Variants in WIPF1 observed in about 807,000 individuals in gnomAD.
The protein encoded by WIPF1 is WAS/WASL interacting protein family member 1.
WIPF1 carries 13 observed loss-of-function variants against 35.4 expected under a neutral mutation model. That is an observed-to-expected ratio of 0.37 (90% confidence interval 0.24 to 0.58). The LOEUF (loss-of-function observed/expected upper bound fraction) is 0.58, where lower values mean the gene tolerates loss of function less well. Among genes scored for constraint, WIPF1 ranks in the 20% least tolerant of loss-of-function variants. The probability of loss-of-function intolerance (pLI) is 0.74; values close to 1 mark genes in which losing one functional copy is unlikely to be tolerated. For missense variants in WIPF1, 591 were observed against 667.0 expected (o/e 0.89, Z 1.25); for synonymous variants, 267 against 266.3 (o/e 1.00, Z -0.02).
intron 1 of WIPF1, among the ~76,000 whole-genome samples, chr2:174,636,665 T>C (rs6713018): frequency 0.78 from 119,385 of 152,184 alleles, 47,182 homozygotes; most frequent in East Asian, 0.97. Context: ...TTGGCTGTGA[T>C]GGTTTCTCAG....
Position 174,572,147 on chromosome 2 carries a change from G to A in WIPF1, c.658C>T (p.Pro220Ser), listed in dbSNP as rs1316989877. The change falls in exon 5 of 8, where the codon CCC becomes TCC. Residue 220 changes from proline (P) to serine (S), a missense_variant. This residue lies in a region of WIPF1 where 471 missense variants were observed against 501.1 expected (regional missense o/e 0.94). Coordinates refer to ENST00000679041, the MANE Select transcript of WIPF1 (RefSeq NM_001375834.1). The part of the protein sequence containing the change: ...PRQPSPGPTP[P>S]PFPGNRGTAL... ...GTGCCGCGGTTTCCAGGGAAAGGGGGAGGAGTGGGCCCGGGGCTGGGCTGC... is the reference window on the plus strand; with the variant it reads ...GTGCCGCGGTTTCCAGGGAAAGGGGAAGGAGTGGGCCCGGGGCTGGGCTGC... 1 of 1,613,196 alleles carries A rather than the reference G, an allele frequency of 6.2e-7. No homozygotes were observed. Among genetic ancestry groups the A allele is most frequent in the Admixed American group, 1.7e-5 (1 of 59,908 alleles).
chr2:174,665,557 A>G (rs1246621499), intron 1 of WIPF1: 20 of 152,246 alleles, frequency 1.3e-4, no homozygotes, highest in Non-Finnish European at 7.3e-5. Context: ...TTCTATTTAA[A>G]TAAGTATTTT....
chr2:174,599,559 T>G (rs1372049555), upstream of WIPF1, among the ~76,000 whole-genome samples: 1 of 152,110 alleles, frequency 6.6e-6, no homozygotes, highest in Non-Finnish European at 1.5e-5. Flanking sequence ...CCTGCAGGCA[T>G]GGGGCTGGAC....
At position 174,572,337 on chromosome 2, in the gene WIPF1, G is replaced by A; in HGVS notation, c.468C>T (p.Gly156=). The A allele has an allele frequency of 6.2e-7, 1 of 1,614,130 alleles. No homozygotes were observed. The highest frequency in any genetic ancestry group is 2.2e-5 in the East Asian group (1 of 44,864). Reference sequence around the variant, plus strand: ...GAGGCTCTGGGGGACCACTTCTGTGGCCTGGAGAAGGCACAGGAAACCTCC... The same window carrying A: ...GAGGCTCTGGGGGACCACTTCTGTGACCTGGAGAAGGCACAGGAAACCTCC... The part of the protein sequence containing the change: ...GPGRFPVPSP[G]HRSGPPEPQR... Residue 156 remains glycine, a synonymous_variant, in exon 5 of 8, where the codon GGC becomes GGT. Transcript: ENST00000679041.
At chr2:174,564,803 C>T (rs929217009) in intron 7 of WIPF1, among the ~76,000 whole-genome samples, 7 of 141,026 alleles carry the variant, frequency 5.0e-5, no homozygotes, top group African/African-American at 7.9e-5. Context: ...AAACAGAAGC[C>T]CTTCTTCTGG....
At chr2:174,595,132 AT>A (rs1685773562) in intron 1 of WIPF1, among the ~76,000 whole-genome samples, 1 of 119,824 alleles carries the variant, frequency 8.3e-6, no homozygotes, top group African/African-American at 3.2e-5. Flanking sequence ...ATATATATAT[AT>A]ATATATAATT....
chr2:174,588,651 G>C (rs937030087), intron 1 of WIPF1, among the ~76,000 whole-genome samples: 1 of 152,230 alleles, frequency 6.6e-6, no homozygotes. Context: ...GGGCTAGTGT[G>C]GGAGAAATGG....
At position 174,575,396 on chromosome 2, in the gene WIPF1, C is replaced by A; in HGVS notation, c.182-16G>T. ...CCTTTAGGTTCTGTAGAAGAAGAGA[C>A]ACCCGACAGACTATGCCCCCTGGTC... On this transcript the variant is annotated splice_polypyrimidine_tract_variant and intron_variant, in intron 3 of 7. Transcript: ENST00000679041. 1 of 1,596,754 alleles carries A rather than the reference C, an allele frequency of 6.3e-7. No homozygotes were observed. The highest frequency in any genetic ancestry group is 8.5e-7 in the Non-Finnish European group (1 of 1,170,654).
intron 3 of WIPF1, among the ~76,000 whole-genome samples, chr2:174,576,996 G>A (rs1217112796): frequency 6.6e-6 from 1 of 152,164 alleles, no homozygotes; most frequent in Non-Finnish European, 1.5e-5. Context: ...TCCATTTGGA[G>A]ATGTGGTATA....
intron 1 of WIPF1, among the ~76,000 whole-genome samples, chr2:174,667,081 C>T (rs187846112): frequency 2.0e-5 from 3 of 152,302 alleles, no homozygotes; most frequent in Admixed American, 6.5e-5. Context: ...AGCTTCTGCT[C>T]CTCTAAGCTT....
upstream of WIPF1, among the ~76,000 whole-genome samples, chr2:174,600,082 C>A (rs1474337384): frequency 6.6e-6 from 1 of 152,196 alleles, no homozygotes; most frequent in African/African-American, 2.4e-5. Flanking sequence ...CGCAGCTGAT[C>A]TGATAGGAGG....
intron 1 of WIPF1, among the ~76,000 whole-genome samples, chr2:174,667,205 T>C (rs1324001543): frequency 2.0e-5 from 3 of 152,194 alleles, no homozygotes; most frequent in South Asian, 2.1e-4. Flanking sequence ...AATAAAGCAT[T>C]TCCCACCCTC....
At position 174,560,644 on chromosome 2, in the gene WIPF1, GT is replaced by G. The variant is rs1684461713; in HGVS notation, c.*1902del. ...CTTATTATTTCTTGATTCTCTTTGA[GT>G]AAAAAGCCCAAATGACTGTATGGAA... On this transcript the variant is annotated 3_prime_UTR_variant, in exon 8 of 8. Coordinates refer to ENST00000679041, the MANE Select transcript of WIPF1 (RefSeq NM_001375834.1). 6.6e-6 allele frequency: 1 copy of G among 152,498 alleles called. No individual in the cohort carries two copies. Among genetic ancestry groups the G allele is most frequent in the Admixed American group, 6.6e-5 (1 of 15,256 alleles). 9.4% of individuals were successfully genotyped at this position (152,498 alleles called of 1,614,324 possible).
At chr2:174,671,430 T>C (rs531469432) in intron 1 of WIPF1, among the ~76,000 whole-genome samples, 4 of 152,198 alleles carry the variant, frequency 2.6e-5, no homozygotes, top group Non-Finnish European at 5.9e-5. Context: ...TTGTAAAGCA[T>C]GTGTGTTTAA....
intron 1 of WIPF1, among the ~76,000 whole-genome samples, chr2:174,646,621 A>C (rs1687413936): frequency 6.6e-6 from 1 of 152,082 alleles, no homozygotes; most frequent in South Asian, 2.1e-4. Flanking sequence ...TCAAGCAAAG[A>C]ACTTTCTTTC....
chr2:174,599,707 C>T (rs768314758), upstream of WIPF1, among the ~76,000 whole-genome samples: 2 of 152,100 alleles, frequency 1.3e-5, no homozygotes, highest in Non-Finnish European at 2.9e-5. Flanking sequence ...AAAAAGAGAA[C>T]ATGGGCGATA....
rs1045815263 is a variant in WIPF1, at chr2:174,590,560, C to T, written c.-38-4949G>A. On this transcript the variant is annotated intron_variant, in intron 1 of 7. Transcript: ENST00000679041. The surrounding 1 kb of genome is among the most constrained non-coding windows in gnomAD (Gnocchi z 4.6). ...AGCATGGCAGGAAAGGCAGCTGATT[C>T]GGGTGCAGGAGAGACGCAAGAAGGG... Among the ~76,000 whole-genome samples, 3 of 152,126 alleles carry T rather than the reference C, an allele frequency of 2.0e-5. No individual in the cohort carries two copies. The highest frequency in any genetic ancestry group is 4.4e-5 in the Non-Finnish European group (3 of 68,026).
At chr2:174,595,763 G>C (rs1001330569) in intron 1 of WIPF1, among the ~76,000 whole-genome samples, 4 of 152,140 alleles carry the variant, frequency 2.6e-5, no homozygotes, top group Admixed American at 6.5e-5. Context: ...ACTGATTAAG[G>C]CATTCCTTAT....
intron 1 of WIPF1, among the ~76,000 whole-genome samples, chr2:174,649,620 G>T (rs564060034): frequency 3.3e-5 from 5 of 152,220 alleles, no homozygotes; most frequent in Admixed American, 2.0e-4. Flanking sequence ...CCTTGTTCCT[G>T]TTTTCTGCCT....
Sources: allele counts gnomAD v4.1 joint callset (sites outside exome capture counted in the v4.1 genomes callset), GRCh38; gene constraint gnomAD v4.1.1; regional missense constraint gnomAD v4.1.1; non-coding constraint Gnocchi (gnomAD v3.1); transcripts MANE v1.5; gene names NCBI Gene and HGNC (gene_info 2026-07-23, HGNC 2026-07-21).